The following PHF21A variants were observed in gnomAD, a reference collection of about 807,000 sequenced individuals.
The protein encoded by PHF21A is BHC80a.
PHF21A carries 11 observed loss-of-function variants against 82.5 expected under a neutral mutation model. The observed-to-expected ratio is 0.13, with a 90% CI of 0.08 to 0.22. The LOEUF (loss-of-function observed/expected upper bound fraction) is 0.22. PHF21A is among the 10% of genes least tolerant of loss of function. The probability of loss-of-function intolerance (pLI) is 1.00; values close to 1 mark genes in which losing one functional copy is unlikely to be tolerated. For missense variants in PHF21A, 579 were observed against 837.8 expected, an observed-to-expected ratio of 0.69 and a Z score of 3.81; for synonymous variants, 297 against 302.8, an observed-to-expected ratio of 0.98 and a Z score of 0.20.
intron 1 of PHF21A, among the ~76,000 whole-genome samples, chr11:46,098,316 C>G (rs888889386): frequency 8.5e-5 from 13 of 152,178 alleles, no homozygotes; most frequent in African/African-American, 3.1e-4. Context: ...TAAAACAGTG[C>G]ATATTAACTT....
At chr11:45,964,435 C>T (rs1167832221) in intron 10 of PHF21A, among the ~76,000 whole-genome samples, 1 of 152,076 alleles carries the variant, frequency 6.6e-6, no homozygotes, top group African/African-American at 2.4e-5. Flanking sequence ...ACTAAGGCAG[C>T]AGGCAGCATC....
intron 7 of PHF21A, among the ~76,000 whole-genome samples, chr11:45,978,744 T>C (rs1228028080): frequency 1.3e-5 from 2 of 152,218 alleles, no homozygotes; most frequent in East Asian, 3.8e-4. Flanking sequence ...CCTTCAAGGA[T>C]CCAAGTATCA....
intron 6 of PHF21A, among the ~76,000 whole-genome samples, chr11:46,046,741 T>G (rs1461959602): frequency 6.6e-6 from 1 of 152,130 alleles, no homozygotes; most frequent in East Asian, 1.9e-4. Flanking sequence ...GCTTTCTACA[T>G]GTAAACACAC....
intron 6 of PHF21A, among the ~76,000 whole-genome samples, chr11:46,014,995 T>TA (rs1338439222): frequency 7.5e-6 from 1 of 132,512 alleles, no homozygotes; most frequent in African/African-American, 2.7e-5. Context: ...AAAAAAAAAA[T>TA]AAAAATAAAA....
chr11:46,067,389 T>C (rs139097770), intron 6 of PHF21A, among the ~76,000 whole-genome samples: 9 of 152,210 alleles, frequency 5.9e-5, no homozygotes, highest in Non-Finnish European at 8.8e-5. Flanking sequence ...CGTAGTAACA[T>C]TGCAGAAGAG....
Position 45,991,554 on chromosome 11 carries a change from T to G in PHF21A, c.154-11588A>C, listed in dbSNP as rs144759713. 2.0e-5 allele frequency among the ~76,000 whole-genome samples: 3 copies of G among 152,198 alleles called. No individual in the cohort carries two copies. The East Asian group carries it at 5.8e-4, about 29-fold the overall frequency. ...CACCTGTAATACAGCTGCAGTAAGC[T>G]TATACACACACACACACATGCACGC... On this transcript the variant is annotated intron_variant, in intron 6 of 18. Transcript: ENST00000676320.
chr11:46,090,744 A>G (rs574819171), intron 2 of PHF21A, among the ~76,000 whole-genome samples, 178 bp from the exon 3 acceptor site: 1 of 151,374 alleles, frequency 6.6e-6, no homozygotes, highest in South Asian at 2.1e-4. Context: ...GGTATTCAAT[A>G]TGTACCTGAA....
chr11:46,077,335 A>G (rs1002163900), intron 5 of PHF21A, among the ~76,000 whole-genome samples: 1 of 152,234 alleles, frequency 6.6e-6, no homozygotes. Context: ...CCTTAACACT[A>G]CATCATTCAA....
At chr11:45,962,016 C>T (rs1219225427) in intron 10 of PHF21A, among the ~76,000 whole-genome samples, 1 of 152,142 alleles carries the variant, frequency 6.6e-6, no homozygotes, top group Admixed American at 6.5e-5. Context: ...GAGACCACTG[C>T]TGTTATAACT....
chr11:46,090,768 G>A (rs2096915221), intron 2 of PHF21A, among the ~76,000 whole-genome samples: 1 of 151,396 alleles, frequency 6.6e-6, no homozygotes, highest in African/African-American at 2.4e-5. Flanking sequence ...CAACCTGTCA[G>A]GGATCTAGAA....
At chr11:46,089,907 G>A (rs1375843665) in intron 3 of PHF21A, among the ~76,000 whole-genome samples, 1 of 151,820 alleles carries the variant, frequency 6.6e-6, no homozygotes, top group Non-Finnish European at 1.5e-5. Flanking sequence ...CCAGGCCAGG[G>A]TTCCCCATAG....
intron 1 of PHF21A, among the ~76,000 whole-genome samples, chr11:46,097,563 C>T (rs530316773): frequency 2.0e-5 from 3 of 152,164 alleles, no homozygotes; most frequent in African/African-American, 4.8e-5. Context: ...AGAATTGTTC[C>T]GCTCCCCAAC....
In PHF21A at chr11:46,015,009, TA is replaced by T. The variant is rs1367139681; in HGVS notation, c.154-35044del. Among the ~76,000 whole-genome samples the T allele has an allele frequency of 1.8e-4, 27 of 148,268 alleles. 5 individuals carry two copies. The highest frequency in any genetic ancestry group is 2.0e-4 in the Admixed American group (3 of 14,906). On this transcript the variant is annotated intron_variant, in intron 6 of 18. Transcript: ENST00000676320. ...AAAAAAAAAAATAAAAATAAAAAAATAAAAAAAAATAAAAAAATAAAAAATA... is the reference window on the plus strand; with the variant it reads ...AAAAAAAAAAATAAAAATAAAAAAATAAAAAAAATAAAAAAATAAAAAATA...
At chr11:45,953,032 T>G (rs2135553042) in intron 11 of PHF21A, among the ~76,000 whole-genome samples, 1 of 152,378 alleles carries the variant, frequency 6.6e-6, no homozygotes, top group East Asian at 1.9e-4. Flanking sequence ...TTCAATGGAT[T>G]ACTTCTGAGC....
intron 6 of PHF21A, among the ~76,000 whole-genome samples, chr11:46,042,359 A>G (rs2138816603): frequency 1.3e-5 from 2 of 152,276 alleles, no homozygotes; most frequent in Middle Eastern, 3.4e-3. Flanking sequence ...AAGATCCTAG[A>G]AGCAGCCATA....
intron 6 of PHF21A, among the ~76,000 whole-genome samples, chr11:46,020,467 A>T (rs2095606470): frequency 6.6e-6 from 1 of 152,188 alleles, no homozygotes; most frequent in South Asian, 2.1e-4. Flanking sequence ...GGAAGTGCTT[A>T]CCAGGCTTGT....
chr11:46,109,666 C>T (rs934990405), intron 1 of PHF21A, among the ~76,000 whole-genome samples: 9 of 152,034 alleles, frequency 5.9e-5, no homozygotes, highest in African/African-American at 1.7e-4. Flanking sequence ...ACCATAAACA[C>T]ACACGTAAAC....
At chr11:45,935,409 C>T in intron 18 of PHF21A, 1 of 723,484 alleles carries the variant, frequency 1.4e-6, no homozygotes, top group South Asian at 1.7e-5. Flanking sequence ...CTGATTAAAG[C>T]CAAGAGGATG....
intron 6 of PHF21A, among the ~76,000 whole-genome samples, chr11:46,067,608 A>AG (rs938914044): frequency 4.9e-4 from 74 of 151,950 alleles, no homozygotes; most frequent in African/African-American, 1.8e-3. Context: ...CAAAAAAAAA[A>AG]AAAACTGAAT....
Sources: gnomAD v4.1 joint callset for allele counts (sites outside exome capture counted in the v4.1 genomes callset) on GRCh38, gnomAD v4.1.1 for gene constraint, MANE v1.5 for transcripts, NCBI Gene and HGNC (gene_info 2026-07-23, HGNC 2026-07-21) for gene names.